Variants in MBD5 observed in about 807,000 individuals in gnomAD.
MBD5 encodes the protein methyl-CpG-binding domain protein 5.
A neutral mutation model predicts 117.3 loss-of-function variants in MBD5; 13 were observed. The ratio of observed to expected loss-of-function variants is 0.11; its 90% CI spans 0.07 to 0.18. MBD5 has a LOEUF of 0.18. Among genes scored for constraint, MBD5 ranks in the 10% least tolerant of loss-of-function variants. The probability of loss-of-function intolerance (pLI) is 1.00; values close to 1 mark genes in which losing one functional copy is unlikely to be tolerated. For synonymous variants in MBD5, 727 were observed against 766.4 expected, an observed-to-expected ratio of 0.95 and a Z score of 0.85; for missense variants, 1,879 against 2,093.8, an observed-to-expected ratio of 0.90 and a Z score of 2.00.
At chr2:148,210,977 T>G (rs1699409441) in intron 2 of MBD5, among the ~76,000 whole-genome samples, 1 of 152,208 alleles carries the variant, frequency 6.6e-6, no homozygotes. Flanking sequence ...TCTGCTGAAG[T>G]AAATTTTTCT....
chr2:148,158,759 T>G (rs923557064), intron 1 of MBD5, among the ~76,000 whole-genome samples: 2 of 152,210 alleles, frequency 1.3e-5, no homozygotes, highest in African/African-American at 4.8e-5. Context: ...TCGCTGTGTC[T>G]GCCAGGCTGG....
At chr2:148,131,373 A>G (rs766478994) in intron 1 of MBD5, among the ~76,000 whole-genome samples, 1 of 152,198 alleles carries the variant, frequency 6.6e-6, no homozygotes, top group Non-Finnish European at 1.5e-5. Flanking sequence ...CACAATTTTC[A>G]TAAGAACTAG....
intron 1 of MBD5, among the ~76,000 whole-genome samples, chr2:148,078,119 C>G (rs1234405): frequency 6.6e-6 from 1 of 151,810 alleles, no homozygotes; most frequent in South Asian, 2.1e-4. Flanking sequence ...TTTGGGAAAA[C>G]TCCTCTTTCA....
At chr2:148,252,463 A>C (rs1371276064) in intron 3 of MBD5, among the ~76,000 whole-genome samples, 1 of 150,898 alleles carries the variant, frequency 6.6e-6, no homozygotes, top group African/African-American at 2.4e-5. Flanking sequence ...CCTGTCTCAA[A>C]AGGAAAAAAA....
At chr2:148,186,153 A>G (rs546236749) in intron 2 of MBD5, among the ~76,000 whole-genome samples, 34 of 152,264 alleles carry the variant, frequency 2.2e-4, no homozygotes, top group African/African-American at 8.2e-4. Flanking sequence ...TTGAATTCCA[A>G]CGTGTTGTGT....
intron 4 of MBD5, among the ~76,000 whole-genome samples, chr2:148,383,477 C>A (rs985574054): frequency 3.9e-5 from 6 of 152,112 alleles, no homozygotes; most frequent in Admixed American, 3.3e-4. Context: ...CCTTACCAAC[C>A]AAAAGAAGTC....
At chr2:148,367,818 T>C (rs1703745705) in intron 4 of MBD5, among the ~76,000 whole-genome samples, 1 of 152,106 alleles carries the variant, frequency 6.6e-6, no homozygotes, top group South Asian at 2.1e-4. Flanking sequence ...TATTAAAAAG[T>C]CAGGAAACAA....
At chr2:148,418,182 C>T (rs1371802236) in intron 4 of MBD5, among the ~76,000 whole-genome samples, 1 of 152,082 alleles carries the variant, frequency 6.6e-6, no homozygotes, top group East Asian at 1.9e-4. Flanking sequence ...CTTGTAGATT[C>T]TGAATATTAG....
At chr2:148,427,351 A>G (rs549745671) in intron 4 of MBD5, among the ~76,000 whole-genome samples, 1 of 152,204 alleles carries the variant, frequency 6.6e-6, no homozygotes, top group South Asian at 2.1e-4. Flanking sequence ...ACACATGCAC[A>G]CGTATGTTTA....
intron 4 of MBD5, among the ~76,000 whole-genome samples, chr2:148,456,374 A>T (rs1486009854): frequency 3.3e-5 from 5 of 151,982 alleles, no homozygotes; most frequent in African/African-American, 7.2e-5. Flanking sequence ...CCATGACCTA[A>T]TCATCTCCCA....
Position 148,299,339 on chromosome 2 carries a change from G to C in MBD5, c.-679-42875G>C, listed in dbSNP as rs1246664085. Among the ~76,000 whole-genome samples the C allele has an allele frequency of 2.0e-5, 3 of 152,026 alleles. No individual in the cohort carries two copies. The South Asian group carries it at 6.2e-4, about 32-fold the overall frequency. On this transcript the variant is annotated intron_variant, in intron 3 of 13. Transcript: ENST00000642680. ...GACAGGTTTCCTCCCTGTTGGTCAGGCTGGCCTTGAACTCCTGGCCTCATG... is the reference window on the plus strand; with the variant it reads ...GACAGGTTTCCTCCCTGTTGGTCAGCCTGGCCTTGAACTCCTGGCCTCATG...
chr2:148,473,787 G>A (rs941766152), intron 8 of MBD5, among the ~76,000 whole-genome samples: 1 of 152,128 alleles, frequency 6.6e-6, no homozygotes, highest in African/African-American at 2.4e-5. Context: ...AATTTCTAAA[G>A]CTTATGAATA....
At chr2:148,258,993 C>T (rs1700666800) in intron 3 of MBD5, among the ~76,000 whole-genome samples, 3 of 152,130 alleles carry the variant, frequency 2.0e-5, no homozygotes, top group Admixed American at 2.0e-4. Flanking sequence ...CTCAGGGGTG[C>T]AGAACCCAAC....
chr2:148,413,215 G>A (rs1705316798), intron 4 of MBD5, among the ~76,000 whole-genome samples: 1 of 152,084 alleles, frequency 6.6e-6, no homozygotes, highest in Admixed American at 6.6e-5. Context: ...CGTCTATTAA[G>A]ATGATCATGT....
chr2:148,128,944 A>G (rs1224725958), intron 1 of MBD5, among the ~76,000 whole-genome samples: 2 of 152,208 alleles, frequency 1.3e-5, no homozygotes, highest in African/African-American at 4.8e-5. Context: ...GAATGTTTCT[A>G]TCAGCATAAC....
In MBD5 at chr2:148,489,683, C is replaced by A; in HGVS notation, c.4051C>A (p.Pro1351Thr). 1 of 1,614,162 alleles carries A rather than the reference C, an allele frequency of 6.2e-7. No homozygotes were observed. The highest frequency in any genetic ancestry group is 8.5e-7 in the Non-Finnish European group (1 of 1,180,038). ...VNSTTQISPIPALSAMSAFTA... is the reference protein window; with the variant it reads ...VNSTTQISPITALSAMSAFTA... ...CAGTACAACTCAGATCAGCCCCATT[C>A]CAGCTCTGAGTGCCATGAGTGCCTT... is the stretch of plus-strand genomic sequence containing the variant. The change falls in exon 11 of 14, where the codon CCA becomes ACA. Residue 1351 changes from proline (P) to threonine (T), a missense_variant. Transcript: ENST00000642680.
intron 1 of MBD5, among the ~76,000 whole-genome samples, chr2:148,146,119 T>C (rs1346604661): frequency 6.6e-6 from 1 of 152,244 alleles, no homozygotes; most frequent in East Asian, 1.9e-4. Context: ...ACAAACTCTT[T>C]AGTTAATGCC....
chr2:148,046,370 T>A (rs1694534592), intron 1 of MBD5, among the ~76,000 whole-genome samples: 1 of 152,174 alleles, frequency 6.6e-6, no homozygotes, highest in Non-Finnish European at 1.5e-5. Context: ...AGAAATCTAC[T>A]TAAACACATC....
At chr2:148,221,443 A>T (rs979835099) in intron 2 of MBD5, among the ~76,000 whole-genome samples, 4 of 152,034 alleles carry the variant, frequency 2.6e-5, no homozygotes, top group Non-Finnish European at 5.9e-5. Flanking sequence ...CTTTCTTTTG[A>T]CTAAAAGCCG....
Sources: gnomAD v4.1 joint callset for allele counts (sites outside exome capture counted in the v4.1 genomes callset) on GRCh38, gnomAD v4.1.1 for gene constraint, MANE v1.5 for transcripts, NCBI Gene and HGNC (gene_info 2026-07-23, HGNC 2026-07-21) for gene names.